The following ALPK1 variants were observed in gnomAD, a reference collection of about 807,000 sequenced individuals.
ALPK1 encodes alpha-protein kinase 1.
ALPK1 carries 110 observed loss-of-function variants against 120.6 expected under a neutral mutation model. The observed-to-expected ratio is 0.91, with a 90% CI of 0.78 to 1.07. The LOEUF is 1.07. ALPK1 is among the 50% of genes least tolerant of loss of function. The pLI, the probability that ALPK1 is intolerant of heterozygous loss-of-function variation, is 0.00. For missense variants in ALPK1, 1,498 were observed against 1,483.9 expected, an observed-to-expected ratio of 1.01 and a Z score of -0.16; for synonymous variants, 582 against 560.3, an observed-to-expected ratio of 1.04 and a Z score of -0.55.
intron 2 of ALPK1, among the ~76,000 whole-genome samples, chr4:112,351,843 A>G (rs1730373374): frequency 6.6e-6 from 1 of 152,252 alleles, no homozygotes; most frequent in Admixed American, 6.5e-5. Context: ...AGTGTTTCTC[A>G]AACTAATAGT....
Position 112,384,694 on chromosome 4 carries a change from A to C in ALPK1, c.276+2142A>C, listed in dbSNP as rs534716824. The C allele has an allele frequency of 5.3e-5, 8 of 152,362 alleles. No individual in the cohort carries two copies. In the East Asian group the frequency reaches 1.5e-3, roughly 29 times the overall value. 9.4% of individuals were successfully genotyped at this position (152,362 alleles called of 1,614,324 possible). On this transcript the variant is annotated intron_variant, in intron 4 of 15. Coordinates refer to ENST00000650871, the MANE Select transcript of ALPK1 (RefSeq NM_025144.4). ...AGCCCTCCAGATGATTCTGATGCTA[A>C]AGTTTGAGAGCCACTGTTTGCAGGA...
intron 4 of ALPK1, among the ~76,000 whole-genome samples, chr4:112,403,187 G>A (rs1733000011): frequency 6.6e-6 from 1 of 151,896 alleles, no homozygotes; most frequent in Admixed American, 6.6e-5. Flanking sequence ...TTCTCCTTCT[G>A]ATGTCAGAGT....
At chr4:112,349,855 A>C (rs1267162854) in intron 2 of ALPK1, among the ~76,000 whole-genome samples, 1 of 152,136 alleles carries the variant, frequency 6.6e-6, no homozygotes, top group Non-Finnish European at 1.5e-5. Flanking sequence ...CCCGGCCTAC[A>C]TTTTAATTTT....
rs1731969686 is a variant in ALPK1 at position 112,382,524 on chromosome 4, T to A, written c.248T>A (p.Val83Glu). The A allele has an allele frequency of 1.9e-6, 3 of 1,613,988 alleles. No individual in the cohort carries two copies. The highest frequency in any genetic ancestry group is 2.7e-5 in the African/African-American group (2 of 74,900). Reference protein sequence around the residue: ...GPEDKTNLKDVIGAGLQQLLA... With the variant: ...GPEDKTNLKDEIGAGLQQLLA... The stretch of plus-strand genomic sequence containing the variant: ...GAGGACAAAACAAACCTGAAGGATG[T>A]GATTGGCGCCGGGTTGCAGCAGTTA... Residue 83 changes from valine to glutamate, a missense_variant, in exon 4 of 16, where the codon GTG (valine) becomes GAG (glutamate). Coordinates refer to ENST00000650871, the MANE Select transcript of ALPK1 (RefSeq NM_025144.4).
rs570522169 is a variant in ALPK1 at position 112,392,688 on chromosome 4, G to A, written c.276+10136G>A. ...ACTACAGGTGCATGTCACCATGCCT[G>A]GCTAATTTTTTATTTTTTTGTAGAG... On this transcript the variant is annotated intron_variant, in intron 4 of 15. Transcript: ENST00000650871. Among the ~76,000 whole-genome samples the A allele has an allele frequency of 3.9e-5, 6 of 152,212 alleles. No individual in the cohort carries two copies. The East Asian group carries it at 5.8e-4, about 15-fold the overall frequency.
At chr4:112,348,721 G>A (rs1457589192) in intron 2 of ALPK1, among the ~76,000 whole-genome samples, 1 of 152,232 alleles carries the variant, frequency 6.6e-6, no homozygotes, top group African/African-American at 2.4e-5. Flanking sequence ...ATCGGCTGCT[G>A]GTGACATGAA....
intron 11 of ALPK1, among the ~76,000 whole-genome samples, chr4:112,434,179 T>G (rs1734695177): frequency 6.6e-6 from 1 of 152,232 alleles, no homozygotes; most frequent in Non-Finnish European, 1.5e-5. Flanking sequence ...TGAAATACAT[T>G]AGAGGAAGCA....
intron 5 of ALPK1, chr4:112,414,620 AAGAG>A (rs1553957280): frequency 5.6e-6 from 1 of 178,812 alleles, no homozygotes. Context: ...AAAAAAAAAA[AAGAG>A]AGACGACTCA....
intron 10 of ALPK1, 72 bp from the exon 11 acceptor site, chr4:112,430,376 A>C: frequency 7.4e-7 from 1 of 1,351,464 alleles, no homozygotes; most frequent in Non-Finnish European, 1.0e-6. Flanking sequence ...TCCTCCAGAA[A>C]TGAAAAGTTT....
intron 1 of ALPK1, among the ~76,000 whole-genome samples, chr4:112,304,149 T>C (rs1292405957): frequency 6.6e-6 from 1 of 152,220 alleles, no homozygotes; most frequent in East Asian, 1.9e-4. Context: ...CAGTCTATCA[T>C]TGATGGACAC....
chr4:112,374,757 G>C (rs1438934146), intron 2 of ALPK1, among the ~76,000 whole-genome samples: 1 of 152,162 alleles, frequency 6.6e-6, no homozygotes, highest in Non-Finnish European at 1.5e-5. Flanking sequence ...ATCTCAATCA[G>C]AGCTCTTGAG....
chr4:112,397,596 G>T (rs1732706988), intron 4 of ALPK1, among the ~76,000 whole-genome samples: 2 of 152,186 alleles, frequency 1.3e-5, no homozygotes, highest in Admixed American at 1.3e-4. Context: ...ACCTGTCTCA[G>T]TAGCTCTCCT....
chr4:112,357,345 A>G, intron 2 of ALPK1: 2 of 776,120 alleles, frequency 2.6e-6, no homozygotes, highest in Non-Finnish European at 4.3e-6. Flanking sequence ...GACCCCTCCG[A>G]GAATGGCCCT....
chr4:112,307,441 T>C (rs1223344886), intron 1 of ALPK1, among the ~76,000 whole-genome samples: 1 of 152,146 alleles, frequency 6.6e-6, no homozygotes, highest in Admixed American at 6.5e-5. Context: ...GCTCCTGTAT[T>C]GAGTGCATAT....
rs569522634 is a variant in ALPK1, at chr4:112,370,601, C to T, written c.-100-7077C>T. Among the ~76,000 whole-genome samples, 8 of 152,216 alleles carry T rather than the reference C, an allele frequency of 5.3e-5. No individual in the cohort carries two copies. The South Asian group carries it at 1.0e-3, about 20-fold the overall frequency. On this transcript the variant is annotated intron_variant, in intron 2 of 15. Transcript: ENST00000650871. ...TATAAATGAAGTTGACCAAAATTTC[C>T]AGCAGGACTGTTGCCTGAAGGAAAG...
chr4:112,315,210 A>T (rs1233994222), intron 1 of ALPK1, among the ~76,000 whole-genome samples: 1 of 152,112 alleles, frequency 6.6e-6, no homozygotes, highest in Non-Finnish European at 1.5e-5. Flanking sequence ...ACAATAAAGT[A>T]GTAATTATTA....
chr4:112,358,067 C>A lies in ALPK1; in HGVS notation c.-100-19611C>A, dbSNP rs529253428. The A allele has an allele frequency of 1.0e-5, 6 of 584,924 alleles. No homozygotes were observed. The East Asian group carries it at 1.2e-4, about 12-fold the overall frequency. The allele number at this position is 584,924 out of a possible 1,614,324, so 36.2% of individuals were successfully genotyped here. A position where few individuals can be genotyped will look rare whatever the true frequency, so the allele number is the denominator to read the frequency against. ...GATCATCACGGGCCTCCATAGCCCCCACGCATGGACCCCCTGGTTGTCCTT... is the reference window on the plus strand; with the variant it reads ...GATCATCACGGGCCTCCATAGCCCCAACGCATGGACCCCCTGGTTGTCCTT... On this transcript the variant is annotated intron_variant, in intron 2 of 15. Transcript: ENST00000650871.
intron 1 of ALPK1, among the ~76,000 whole-genome samples, chr4:112,305,456 G>T (rs1727999303): frequency 6.6e-6 from 1 of 151,332 alleles, no homozygotes; most frequent in Non-Finnish European, 1.5e-5. Context: ...TCCTTGAAGA[G>T]GTCCTTCACA....
At chr4:112,327,434 G>C (rs1360091631) in intron 2 of ALPK1, among the ~76,000 whole-genome samples, 3 of 152,152 alleles carry the variant, frequency 2.0e-5, no homozygotes, top group Non-Finnish European at 4.4e-5. Flanking sequence ...AGTGTTTTCT[G>C]TTTTGATTTT....
Sources: gnomAD v4.1 joint callset for allele counts (sites outside exome capture counted in the v4.1 genomes callset) on GRCh38, gnomAD v4.1.1 for gene constraint, MANE v1.5 for transcripts, NCBI Gene and HGNC (gene_info 2026-07-23, HGNC 2026-07-21) for gene names.